Variants in LRRK1 observed in about 807,000 individuals in gnomAD.
LRRK1 encodes leucine rich repeat kinase 1, also known as leucine-rich repeat serine/threonine-protein kinase 1.
In LRRK1, 113 loss-of-function variants were observed where a neutral mutation model predicts 209.1. The ratio of observed to expected loss-of-function variants is 0.54; its 90% confidence interval spans 0.46 to 0.63. The LOEUF (loss-of-function observed/expected upper bound fraction) is 0.63. Ranked by LOEUF, LRRK1 falls within the 30% of genes least tolerant of loss-of-function variation. The pLI is 0.00. For synonymous variants in LRRK1, 1,144 were observed against 1,099.7 expected (o/e 1.04, Z -0.80); for missense variants, 2,284 against 2,632.2 (o/e 0.87, Z 2.89).
At chr15:100,948,911 A>G (rs2042593366) in intron 2 of LRRK1, among the ~76,000 whole-genome samples, 1 of 152,176 alleles carries the variant, frequency 6.6e-6, no homozygotes, top group Non-Finnish European at 1.5e-5. Context: ...AGCTACCTAT[A>G]TGTAAAAAAG....
rs940196493 is a variant in LRRK1, at chr15:101,035,280, T to C, written c.2963+6048T>C. Among the ~76,000 whole-genome samples the C allele has an allele frequency of 2.0e-5, 3 of 152,126 alleles. No homozygotes were observed. The South Asian group carries it at 6.2e-4, about 31-fold the overall frequency. On this transcript the variant is annotated intron_variant, in intron 20 of 33. Transcript: ENST00000388948. ...ATGTTTAAGTGCCATACTATTATAG[T>C]ATTAGAATATATCTCTCTCTCTAGA...
chr15:101,029,012 G>A lies in LRRK1; in HGVS notation c.2743G>A (p.Gly915Ser), dbSNP rs774309946. The change falls in exon 20 of 34, where the codon GGC (glycine) becomes AGC (serine). Residue 915 changes from glycine to serine, a missense_variant. By Grantham distance (56) the Gly-to-Ser change is moderately conservative. Transcript: ENST00000388948. The stretch of plus-strand genomic sequence containing the variant: ...GCTCCATTTCCCGGACACCAGCCAC[G>A]GCCTGAGGAACCTCTACTTCCTCGA... Reference protein sequence around the residue: ...TLLHFPDTSHGLRNLYFLDPI... With the variant: ...TLLHFPDTSHSLRNLYFLDPI... The A allele has an allele frequency of 1.9e-5, 31 of 1,613,962 alleles. No individual in the cohort carries two copies. The highest frequency in any genetic ancestry group is 2.7e-5 in the African/African-American group (2 of 74,878).
chr15:101,033,156 A>G (rs193231691), intron 20 of LRRK1, among the ~76,000 whole-genome samples: 2 of 152,204 alleles, frequency 1.3e-5, no homozygotes, highest in South Asian at 4.2e-4. Flanking sequence ...ATCAATACAT[A>G]ATATTTTACG....
rs115930581 is a variant in LRRK1 at position 101,025,866 on chromosome 15, T to C, written c.2233-99T>C. ...CAGATTGGTGGCTGAGCAAGGGCCGTGGCATCCAGGGTCAGCGCACCTGCA... is the reference window on the plus strand; with the variant it reads ...CAGATTGGTGGCTGAGCAAGGGCCGCGGCATCCAGGGTCAGCGCACCTGCA... On this transcript the variant is annotated intron_variant, in intron 16 of 33. Transcript: ENST00000388948. The C allele has an allele frequency of 1.2e-3, 1,588 of 1,307,176 alleles. 14 individuals carry two copies. The African/African-American group carries it at 0.021, about 17-fold the overall frequency. The allele number at this position is 1,307,176 out of a possible 1,614,324, so 81.0% of individuals were successfully genotyped here.
At chr15:101,038,214 C>T (rs1337193462) in intron 20 of LRRK1, among the ~76,000 whole-genome samples, 3 of 151,942 alleles carry the variant, frequency 2.0e-5, no homozygotes, top group African/African-American at 7.3e-5. Context: ...TTTGGGGACT[C>T]AGGGGAAAGG....
At chr15:101,052,089 C>A in intron 24 of LRRK1, 129 bp downstream of exon 24, 1 of 1,056,082 alleles carries the variant, frequency 9.5e-7, no homozygotes, top group Non-Finnish European at 1.4e-6. Flanking sequence ...GGCTTCCCAC[C>A]AATCTCAGTA....
chr15:100,982,819 G>A lies in LRRK1; in HGVS notation c.262-709G>A, dbSNP rs777331578. Reference sequence around the variant, plus strand: ...TATGCCAGAAGGGGCTATGCACACCGTCCCCTTCCTCATGAAGCAGGTAGT... The same window carrying A: ...TATGCCAGAAGGGGCTATGCACACCATCCCCTTCCTCATGAAGCAGGTAGT... On this transcript the variant is annotated intron_variant, in intron 3 of 33. Coordinates refer to ENST00000388948, the MANE Select transcript of LRRK1 (RefSeq NM_024652.6). 5.3e-5 allele frequency among the ~76,000 whole-genome samples: 8 copies of A among 152,228 alleles called. No individual in the cohort carries two copies. In the East Asian group the frequency reaches 5.8e-4, roughly 11 times the overall value.
intron 20 of LRRK1, among the ~76,000 whole-genome samples, chr15:101,043,489 C>A (rs192498530): frequency 1.3e-5 from 2 of 152,252 alleles, no homozygotes; most frequent in African/African-American, 2.4e-5. Context: ...CCGGATCTGA[C>A]AACTTTCAGA....
intron 9 of LRRK1, 102 bp downstream of exon 9, chr15:101,010,939 G>A: frequency 9.7e-7 from 1 of 1,031,076 alleles, no homozygotes; most frequent in Non-Finnish European, 1.4e-6. Context: ...CCCCTCAGCA[G>A]CGAAGCCGGG....
Position 101,022,386 on chromosome 15 carries a change from C to G in LRRK1, c.1856C>G (p.Pro619Arg). The G allele has an allele frequency of 6.2e-7, 1 of 1,614,178 alleles. No homozygotes were observed. The highest frequency in any genetic ancestry group is 8.5e-7 in the Non-Finnish European group (1 of 1,180,018). ...TCCCCTTAATGATTTTGCACAGGCC[C>G]CAAAGCAATGCTGTCTTACCTGCGT... ...NVPAEIQKEG[P>R]KAMLSYLRAQ... The change falls in exon 15 of 34, where the codon CCC becomes CGC. Residue 619 changes from proline to arginine, a missense_variant. Pro to Arg is a moderately radical substitution (Grantham distance 103). Transcript: ENST00000388948. The surrounding 1 kb of genome is among the most constrained non-coding windows in gnomAD (Gnocchi z 4.0).
In LRRK1 at chr15:101,057,659, C is replaced by T. The variant is rs139164914; in HGVS notation, c.4528-331C>T. On this transcript the variant is annotated intron_variant, in intron 28 of 33. Coordinates refer to ENST00000388948, the MANE Select transcript of LRRK1 (RefSeq NM_024652.6). ...AGCCCAGGAGTTTTAGGCTATGGTG[C>T]GCCCTGATCGCACCTGTGAGTAGGT... Among the ~76,000 whole-genome samples the T allele has an allele frequency of 2.7e-3, 416 of 151,978 alleles. 3 individuals carry two copies. The highest frequency in any genetic ancestry group is 9.0e-3 in the African/African-American group (371 of 41,416).
rs914863435 is a variant in LRRK1, at chr15:101,074,871, G to A, written c.*6023G>A. On this transcript the variant is annotated 3_prime_UTR_variant, in exon 34 of 34. Transcript: ENST00000388948. ...GCCTGCAGCCCAGGATTCCTCCTAA[G>A]CCGTGTCCCATCTGTGCGGGACCCC... The A allele has an allele frequency of 6.6e-6, 1 of 151,876 alleles. No homozygotes were observed. The highest frequency in any genetic ancestry group is 1.5e-5 in the Non-Finnish European group (1 of 67,996). The allele number at this position is 151,876 out of a possible 1,614,324, so 9.4% of individuals were successfully genotyped here. A position where few individuals can be genotyped will look rare whatever the true frequency, so the allele number is the denominator to read the frequency against.
rs2036704652 is a variant in LRRK1 at position 101,069,483 on chromosome 15, T to TTAAG, written c.*637_*640dup. On this transcript the variant is annotated 3_prime_UTR_variant, in exon 34 of 34. Transcript: ENST00000388948. ...CCATCCAGAGAATGAATGAGTTCCT[T>TTAAG]TAAGTGCCACCGCCAGCAAGCCCAG... 6.6e-6 allele frequency: 1 copy of TTAAG among 152,504 alleles called. No individual in the cohort carries two copies. Among genetic ancestry groups the TTAAG allele is most frequent in the Non-Finnish European group, 1.5e-5 (1 of 68,120 alleles). 9.4% of individuals were successfully genotyped at this position (152,504 alleles called of 1,614,324 possible).
At chr15:100,941,039 C>T (rs2141608863) in intron 2 of LRRK1, among the ~76,000 whole-genome samples, 1 of 152,336 alleles carries the variant, frequency 6.6e-6, no homozygotes, top group South Asian at 2.1e-4. Context: ...CAGCTTCTCC[C>T]CTAGGTGATC....
chr15:101,056,749 T>C (rs1319345036), intron 27 of LRRK1, 107 bp from the exon 28 acceptor site: 1 of 828,916 alleles, frequency 1.2e-6, no homozygotes, highest in Non-Finnish European at 1.9e-6. Context: ...TGTTGAATGT[T>C]TGTTTTCCTT....
At chr15:100,976,996 A>T (rs951727439) in intron 3 of LRRK1, among the ~76,000 whole-genome samples, 2 of 152,192 alleles carry the variant, frequency 1.3e-5, no homozygotes, top group Admixed American at 1.3e-4. Context: ...CACTAAGTGC[A>T]CTGAAGCTCT....
Position 101,046,645 on chromosome 15 carries a change from A to G in LRRK1, c.3135+493A>G, listed in dbSNP as rs550250994. Among the ~76,000 whole-genome samples the G allele has an allele frequency of 3.3e-4, 51 of 152,356 alleles. 1 individual carries two copies. The South Asian group carries it at 0.01, about 31-fold the overall frequency. On this transcript the variant is annotated intron_variant, in intron 21 of 33. Transcript: ENST00000388948. ...TTCTAAAAGACACAGACCACACTCC[A>G]GACCGATTGAATCAGGGTCTTTGAG...
intron 2 of LRRK1, among the ~76,000 whole-genome samples, chr15:100,971,085 G>A (rs2030846070): frequency 6.6e-6 from 1 of 152,172 alleles, no homozygotes; most frequent in Non-Finnish European, 1.5e-5. Flanking sequence ...TGTAATCCCA[G>A]CACTCTGTGA....
In LRRK1 at chr15:100,989,713, C is replaced by T. The variant is rs563884986; in HGVS notation, c.762+315C>T. ...GGGTGGGGCCTTCTTGGCCTAATCA[C>T]CTCTTAATGGTCCCATCCTTATCAC... On this transcript the variant is annotated intron_variant, in intron 6 of 33. Coordinates refer to ENST00000388948, the MANE Select transcript of LRRK1 (RefSeq NM_024652.6). 19 of 503,458 alleles carry T rather than the reference C, an allele frequency of 3.8e-5. No homozygotes were observed. The South Asian group carries it at 6.9e-4, about 18-fold the overall frequency. 31.2% of individuals were successfully genotyped at this position (503,458 alleles called of 1,614,324 possible).
Sources: allele counts gnomAD v4.1 joint callset (sites outside exome capture counted in the v4.1 genomes callset), GRCh38; gene constraint gnomAD v4.1.1; non-coding constraint Gnocchi (gnomAD v3.1); transcripts MANE v1.5; gene names NCBI Gene and HGNC (gene_info 2026-07-23, HGNC 2026-07-21).